RALYL: variants seen among roughly 807,000 people sequenced by gnomAD.
The protein encoded by RALYL is RNA-binding Raly-like protein.
RALYL carries 29 observed loss-of-function variants against 35.1 expected under a neutral mutation model. That is an observed-to-expected ratio of 0.83 (90% CI 0.61 to 1.13). The LOEUF is 1.13. Among genes scored for constraint, RALYL ranks in the 50% most tolerant of loss-of-function variants. RALYL has a pLI of 0.00. For synonymous variants in RALYL, 120 were observed against 127.6 expected, an observed-to-expected ratio of 0.94 and a Z score of 0.40; for missense variants, 359 against 360.4, an observed-to-expected ratio of 1.00 and a Z score of 0.03.
At chr8:84,346,587 G>A (rs1174218321) in intron 1 of RALYL, among the ~76,000 whole-genome samples, 1 of 152,010 alleles carries the variant, frequency 6.6e-6, no homozygotes, top group Non-Finnish European at 1.5e-5. Context: ...TTGTGCCTCA[G>A]CCTCCCAAGT....
chr8:84,739,700 G>A (rs561722692), intron 2 of RALYL, among the ~76,000 whole-genome samples: 1 of 151,884 alleles, frequency 6.6e-6, no homozygotes, highest in African/African-American at 2.4e-5. Context: ...TTAGGGGATT[G>A]AATTTAAGTG....
intron 2 of RALYL, among the ~76,000 whole-genome samples, chr8:84,704,653 C>T (rs1335296395): frequency 2.6e-5 from 4 of 152,114 alleles, no homozygotes; most frequent in African/African-American, 9.7e-5. Flanking sequence ...CAGACACTGA[C>T]TATGCCCTAA....
At position 84,616,516 on chromosome 8, in the gene RALYL, CA is replaced by C. The variant is rs1342141970; in HGVS notation, c.256+86944del. The stretch of plus-strand genomic sequence containing the variant: ...AGCCCTTTGTCAGATGAGTAGGTTG[CA>C]AAAATTTTCTCCCATTTTGTAGGTT... On this transcript the variant is annotated intron_variant, in intron 2 of 8. Transcript: ENST00000521268. Among the ~76,000 whole-genome samples the C allele has an allele frequency of 7.4e-5, 11 of 149,152 alleles. No homozygotes were observed. The East Asian group carries it at 2.0e-3, about 27-fold the overall frequency.
chr8:84,331,537 G>A (rs1037058261), intron 1 of RALYL, among the ~76,000 whole-genome samples: 1 of 152,048 alleles, frequency 6.6e-6, no homozygotes, highest in Non-Finnish European at 1.5e-5. Flanking sequence ...TCCCATGAAA[G>A]TTAGTATTTC....
intron 1 of RALYL, among the ~76,000 whole-genome samples, chr8:84,479,236 G>C: frequency 6.8e-6 from 1 of 147,836 alleles, no homozygotes; most frequent in Admixed American, 6.9e-5. Flanking sequence ...CGAAGATTCT[G>C]TTCATCATCA....
At chr8:84,253,741 T>A (rs1830691360) in intron 1 of RALYL, among the ~76,000 whole-genome samples, 1 of 152,156 alleles carries the variant, frequency 6.6e-6, no homozygotes, top group Non-Finnish European at 1.5e-5. Flanking sequence ...ATCTCTCAGT[T>A]ACCTCTGTCT....
At chr8:84,565,577 G>T (rs2061730292) in intron 2 of RALYL, among the ~76,000 whole-genome samples, 2 of 151,582 alleles carry the variant, frequency 1.3e-5, no homozygotes, top group Admixed American at 6.6e-5. Context: ...GTCTATCCTA[G>T]AATTTTTTTG....
intron 2 of RALYL, among the ~76,000 whole-genome samples, chr8:84,750,308 T>A (rs1809656798): frequency 6.6e-6 from 1 of 152,182 alleles, no homozygotes; most frequent in Admixed American, 6.5e-5. Context: ...ATACAGCGGT[T>A]TTTAACAAGA....
intron 1 of RALYL, among the ~76,000 whole-genome samples, chr8:84,310,904 G>A (rs1316306491): frequency 7.6e-5 from 11 of 144,426 alleles, no homozygotes; most frequent in Admixed American, 2.0e-4. Context: ...AAAATTAGCC[G>A]GGCGCGGTGG....
chr8:84,882,520 T>C (rs1842335680), intron 7 of RALYL, among the ~76,000 whole-genome samples: 1 of 152,070 alleles, frequency 6.6e-6, no homozygotes, highest in Non-Finnish European at 1.5e-5. Context: ...TTTGTTACCA[T>C]GGTGTGCAAA....
intron 1 of RALYL, among the ~76,000 whole-genome samples, chr8:84,197,514 C>G (rs991884093): frequency 1.3e-5 from 2 of 152,180 alleles, no homozygotes; most frequent in Non-Finnish European, 2.9e-5. Flanking sequence ...ACCAAAACAA[C>G]CAACACTTAT....
intron 1 of RALYL, among the ~76,000 whole-genome samples, chr8:84,364,415 G>A (rs982081966): frequency 6.6e-6 from 1 of 152,096 alleles, no homozygotes; most frequent in Non-Finnish European, 1.5e-5. Flanking sequence ...ATATTTCAAT[G>A]AAGTAGCAAA....
intron 1 of RALYL, among the ~76,000 whole-genome samples, chr8:84,330,284 G>A (rs1846570654): frequency 6.6e-6 from 1 of 151,954 alleles, no homozygotes; most frequent in African/African-American, 2.4e-5. Flanking sequence ...GTTTATAAGA[G>A]CATAATTCTT....
intron 4 of RALYL, among the ~76,000 whole-genome samples, chr8:84,838,804 C>T (rs187640221): frequency 6.6e-5 from 10 of 152,250 alleles, no homozygotes; most frequent in East Asian, 1.9e-4. Flanking sequence ...TTTAAATTAT[C>T]GAAGTATTTA....
intron 2 of RALYL, among the ~76,000 whole-genome samples, chr8:84,575,262 A>T (rs908160140): frequency 6.6e-6 from 1 of 152,208 alleles, no homozygotes; most frequent in Non-Finnish European, 1.5e-5. Flanking sequence ...AACATAAAAC[A>T]TAAACATAAA....
intron 2 of RALYL, among the ~76,000 whole-genome samples, chr8:84,750,712 A>G (rs1809770777): frequency 6.6e-6 from 1 of 152,042 alleles, no homozygotes. Context: ...TGGCTGTATG[A>G]GAAGAGGAAG....
intron 2 of RALYL, among the ~76,000 whole-genome samples, chr8:84,625,229 G>A (rs1320599418): frequency 8.5e-5 from 13 of 152,072 alleles, no homozygotes; most frequent in Non-Finnish European, 1.8e-4. Context: ...AATGACCTGG[G>A]GCTAATTGGG....
intron 2 of RALYL, among the ~76,000 whole-genome samples, chr8:84,747,545 C>A (rs1808906441): frequency 6.6e-6 from 1 of 151,890 alleles, no homozygotes; most frequent in Admixed American, 6.6e-5. Context: ...GATTATCTCA[C>A]CATTTTAAAT....
At chr8:84,350,162 A>G (rs1054394613) in intron 1 of RALYL, among the ~76,000 whole-genome samples, 1 of 150,392 alleles carries the variant, frequency 6.6e-6, no homozygotes, top group African/African-American at 2.5e-5. Flanking sequence ...TTTTCGTAAG[A>G]CACTGGGCAG....
Sources: allele counts gnomAD v4.1 joint callset (sites outside exome capture counted in the v4.1 genomes callset), GRCh38; gene constraint gnomAD v4.1.1; transcripts MANE v1.5; gene names NCBI Gene and HGNC (gene_info 2026-07-23, HGNC 2026-07-21).